The following DPYD variants were observed in gnomAD, a reference collection of about 807,000 sequenced individuals.
DPYD encodes the protein dihydropyrimidine dehydrogenase, also known as dihydropyrimidine dehydrogenase [NADP(+)].
In DPYD, 109 loss-of-function variants were observed where a neutral mutation model predicts 116.2. That is an observed-to-expected ratio of 0.94 (90% CI 0.80 to 1.10). The LOEUF is 1.10. Among genes scored for constraint, DPYD ranks in the 50% least tolerant of loss-of-function variants. DPYD has a pLI of 0.00. For synonymous variants in DPYD, 440 were observed against 432.0 expected, an observed-to-expected ratio of 1.02 and a Z score of -0.23; for missense variants, 1,302 against 1,254.5, an observed-to-expected ratio of 1.04 and a Z score of -0.57.
At chr1:97,411,125 C>A (rs1673969747) in intron 14 of DPYD, among the ~76,000 whole-genome samples, 2 of 152,128 alleles carry the variant, frequency 1.3e-5, no homozygotes, top group African/African-American at 4.8e-5. Flanking sequence ...TTTTCCAATC[C>A]AGGCTCTACA....
intron 16 of DPYD, among the ~76,000 whole-genome samples, chr1:97,358,256 T>C (rs1199712807): frequency 6.6e-6 from 1 of 152,150 alleles, no homozygotes; most frequent in East Asian, 1.9e-4. Context: ...TGGAGGGGCA[T>C]CTGCCATTGC....
At chr1:97,162,554 C>G (rs931326245) in intron 20 of DPYD, among the ~76,000 whole-genome samples, 4 of 152,030 alleles carry the variant, frequency 2.6e-5, no homozygotes, top group African/African-American at 9.7e-5. Flanking sequence ...GGCCATACTG[C>G]CCAAGGTAAT....
At chr1:97,521,517 C>G (rs1648660484) in intron 12 of DPYD, among the ~76,000 whole-genome samples, 1 of 152,162 alleles carries the variant, frequency 6.6e-6, no homozygotes, top group African/African-American at 2.4e-5. Flanking sequence ...CTATCCCAAT[C>G]AAGCTACCAG....
chr1:97,450,254 T>G (rs2101793455), intron 13 of DPYD, 31 bp from the exon 14 acceptor site: 1 of 1,611,510 alleles, frequency 6.2e-7, no homozygotes, highest in African/African-American at 1.3e-5. Context: ...TTGAGTCTCC[T>G]TTTGACAAAG....
rs150353693 is a variant in DPYD at position 97,505,724 on chromosome 1, C to T, written c.1740+10002G>A. 5.4e-3 allele frequency among the ~76,000 whole-genome samples: 818 copies of T among 151,950 alleles called. 13 individuals are homozygous for T. Among genetic ancestry groups the T allele is most frequent in the African/African-American group, 0.019 (780 of 41,478 alleles). Reference sequence around the variant, plus strand: ...TATATATAAAAGGACATTATAAGAGCTCTCAAAATACATCAAATCTTGCCC... The same window carrying T: ...TATATATAAAAGGACATTATAAGAGTTCTCAAAATACATCAAATCTTGCCC... On this transcript the variant is annotated intron_variant, in intron 13 of 22. Coordinates refer to ENST00000370192, the MANE Select transcript of DPYD (RefSeq NM_000110.4).
At chr1:97,551,180 G>A (rs1381052296) in intron 11 of DPYD, among the ~76,000 whole-genome samples, 4 of 152,028 alleles carry the variant, frequency 2.6e-5, no homozygotes, top group African/African-American at 7.2e-5. Flanking sequence ...GTTTCTATTT[G>A]TTTTTTCGTC....
chr1:97,792,215 C>T (rs759034213), intron 3 of DPYD, among the ~76,000 whole-genome samples: 93 of 152,074 alleles, frequency 6.1e-4, no homozygotes, highest in Admixed American at 1.5e-3. Context: ...CCAAACTAGT[C>T]ATATGGCCTT....
rs575233885 is a variant in DPYD at position 97,886,949 on chromosome 1, G to T, written c.40-3575C>A. 2.0e-5 allele frequency among the ~76,000 whole-genome samples: 3 copies of T among 151,772 alleles called. No individual in the cohort carries two copies. In the South Asian group the frequency reaches 6.2e-4, roughly 32 times the overall value. On this transcript the variant is annotated intron_variant, in intron 1 of 22. Transcript: ENST00000370192. ...CCAAATTTAACTGAATCACACTGTGGAACAACTCATATTCCACAGCAAAAG... is the reference window on the plus strand; with the variant it reads ...CCAAATTTAACTGAATCACACTGTGTAACAACTCATATTCCACAGCAAAAG...
At chr1:97,824,643 G>A (rs1171890971) in intron 3 of DPYD, among the ~76,000 whole-genome samples, 3 of 152,170 alleles carry the variant, frequency 2.0e-5, no homozygotes, top group African/African-American at 7.2e-5. Flanking sequence ...ATGTCTCTAA[G>A]AGCCACAGAA....
intron 20 of DPYD, among the ~76,000 whole-genome samples, chr1:97,166,346 A>G (rs1351603968): frequency 6.6e-6 from 1 of 152,166 alleles, no homozygotes; most frequent in Non-Finnish European, 1.5e-5. Flanking sequence ...GTTCTCACTC[A>G]TAAGTGGGAG....
chr1:97,090,511 TATTA>T (rs1477695016), intron 21 of DPYD, among the ~76,000 whole-genome samples: 2 of 152,230 alleles, frequency 1.3e-5, no homozygotes, highest in Non-Finnish European at 2.9e-5. Context: ...TAGCTTTTAT[TATTA>T]ATTCTCTGCT....
intron 14 of DPYD, among the ~76,000 whole-genome samples, chr1:97,401,320 G>A (rs1457770289): frequency 6.6e-6 from 1 of 151,176 alleles, no homozygotes; most frequent in Non-Finnish European, 1.5e-5. Context: ...TTTTTTGTTT[G>A]TTTGTTTGTT....
At chr1:97,604,215 T>A (rs1177399983) in intron 8 of DPYD, among the ~76,000 whole-genome samples, 1 of 152,160 alleles carries the variant, frequency 6.6e-6, no homozygotes, top group African/African-American at 2.4e-5. Flanking sequence ...AGCTCTTGGC[T>A]CTGTTACTTA....
chr1:97,910,411 G>A (rs1571571094), intron 1 of DPYD, among the ~76,000 whole-genome samples: 1 of 151,980 alleles, frequency 6.6e-6, no homozygotes, highest in Admixed American at 6.6e-5. Flanking sequence ...ACAATAGGTG[G>A]TAGCCATTAT....
intron 8 of DPYD, among the ~76,000 whole-genome samples, chr1:97,611,036 T>C (rs145323427): frequency 6.6e-6 from 1 of 152,098 alleles, no homozygotes; most frequent in East Asian, 1.9e-4. Flanking sequence ...CATATGATAA[T>C]AGATGTATTC....
At chr1:97,294,548 G>A (rs1160286756) in intron 18 of DPYD, among the ~76,000 whole-genome samples, 1 of 152,184 alleles carries the variant, frequency 6.6e-6, no homozygotes, top group East Asian at 1.9e-4. Context: ...GGAAAAAGAT[G>A]AATCTGTTCG....
chr1:97,612,512 C>CTTAA (rs1186851524), intron 8 of DPYD, among the ~76,000 whole-genome samples: 1 of 151,968 alleles, frequency 6.6e-6, no homozygotes, highest in Non-Finnish European at 1.5e-5. Flanking sequence ...TGCAAAATAG[C>CTTAA]TTAAGTGTTT....
At chr1:97,099,639 C>T (rs576764514) in intron 20 of DPYD, among the ~76,000 whole-genome samples, 5 of 152,142 alleles carry the variant, frequency 3.3e-5, no homozygotes, top group African/African-American at 1.2e-4. Context: ...CCCTCTCTCT[C>T]CTGCAGAATA....
chr1:97,683,569 C>G (rs542494600), intron 7 of DPYD, among the ~76,000 whole-genome samples: 13 of 151,848 alleles, frequency 8.6e-5, no homozygotes, highest in African/African-American at 2.7e-4. Flanking sequence ...ATACTTTTAA[C>G]TTTGAAAAAT....
Sources: allele counts gnomAD v4.1 joint callset (sites outside exome capture counted in the v4.1 genomes callset), GRCh38; gene constraint gnomAD v4.1.1; transcripts MANE v1.5; gene names NCBI Gene and HGNC (gene_info 2026-07-23, HGNC 2026-07-21).